The following PDZD8 variants were observed in gnomAD, a reference collection of about 807,000 sequenced individuals.
PDZD8 encodes the protein PDZ domain-containing protein 8.
PDZD8 carries 14 observed loss-of-function variants against 85.8 expected under a neutral mutation model. The observed-to-expected ratio is 0.16, with a 90% CI of 0.11 to 0.26. PDZD8 has a LOEUF of 0.26. Ranked by LOEUF, PDZD8 falls within the 10% of genes least tolerant of loss-of-function variation. PDZD8 has a pLI of 1.00. For missense variants in PDZD8, 1,197 were observed against 1,424.3 expected, an observed-to-expected ratio of 0.84 and a Z score of 2.57; for synonymous variants, 592 against 568.6, an observed-to-expected ratio of 1.04 and a Z score of -0.59.
intron 3 of PDZD8, among the ~76,000 whole-genome samples, chr10:117,294,299 A>C (rs1219383910): frequency 6.7e-6 from 1 of 150,126 alleles, no homozygotes; most frequent in Non-Finnish European, 1.5e-5. Flanking sequence ...GACACATATT[A>C]CCAAATAAAT....
At chr10:117,308,206 A>C (rs1843976496) in intron 3 of PDZD8, among the ~76,000 whole-genome samples, 2 of 152,102 alleles carry the variant, frequency 1.3e-5, no homozygotes, top group Admixed American at 1.3e-4. Context: ...TCCTTATAAC[A>C]GCTCTTAATA....
At chr10:117,347,924 G>C (rs766875874) in intron 1 of PDZD8, among the ~76,000 whole-genome samples, 1 of 152,132 alleles carries the variant, frequency 6.6e-6, no homozygotes, top group Non-Finnish European at 1.5e-5. Flanking sequence ...AGTACATGAG[G>C]GGTTATTTAG....
rs931139257 is a variant in PDZD8, at chr10:117,279,330, C to G, written c.*3938G>C. ...ATGTTTGGACCTGGTAATACAGATA[C>G]AAAAACTTTAATGAGGTAGCAATGA... On this transcript the variant is annotated 3_prime_UTR_variant, in exon 5 of 5. Transcript: ENST00000334464. 1 of 152,096 alleles carries G rather than the reference C, an allele frequency of 6.6e-6. No individual in the cohort carries two copies. Among genetic ancestry groups the G allele is most frequent in the South Asian group, 2.1e-4 (1 of 4,828 alleles). 9.4% of individuals were successfully genotyped at this position (152,096 alleles called of 1,614,324 possible).
At chr10:117,337,886 A>C (rs2133841394) in intron 2 of PDZD8, among the ~76,000 whole-genome samples, 1 of 152,324 alleles carries the variant, frequency 6.6e-6, no homozygotes, top group South Asian at 2.1e-4. Flanking sequence ...ATGTTATTCC[A>C]CTATATATGA....
At chr10:117,342,731 G>A (rs919751678) in intron 1 of PDZD8, among the ~76,000 whole-genome samples, 22 of 152,184 alleles carry the variant, frequency 1.4e-4, no homozygotes, top group African/African-American at 5.3e-4. Context: ...GCCTGCCTCG[G>A]CCTCCCACAT....
intron 3 of PDZD8, 94 bp from the exon 4 acceptor site, chr10:117,290,442 C>T (rs1844738400): frequency 1.1e-6 from 1 of 901,362 alleles, no homozygotes; most frequent in South Asian, 2.3e-5. Flanking sequence ...CAGAGAGCAC[C>T]ATGGCTGATG....
At chr10:117,313,102 A>C (rs1247623704) in intron 3 of PDZD8, among the ~76,000 whole-genome samples, 1 of 152,168 alleles carries the variant, frequency 6.6e-6, no homozygotes, top group Admixed American at 6.5e-5. Flanking sequence ...TCTACTTCTT[A>C]ACCTGGCACT....
rs1845167940 is a variant in PDZD8, at chr10:117,370,371, G to A, written c.872+3985C>T. 2.0e-5 allele frequency among the ~76,000 whole-genome samples: 3 copies of A among 152,160 alleles called. No individual in the cohort carries two copies. The South Asian group carries it at 6.2e-4, about 32-fold the overall frequency. ...ACATCAGGAACTGGCAGTCCAGAGAGGCTGATTCACTTTAGCAACACGAAA... is the reference window on the plus strand; with the variant it reads ...ACATCAGGAACTGGCAGTCCAGAGAAGCTGATTCACTTTAGCAACACGAAA... On this transcript the variant is annotated intron_variant, in intron 1 of 4. Transcript: ENST00000334464.
At chr10:117,316,287 T>C (rs1844128103) in intron 3 of PDZD8, among the ~76,000 whole-genome samples, 2 of 152,208 alleles carry the variant, frequency 1.3e-5, no homozygotes, top group Non-Finnish European at 1.5e-5. Context: ...TCTAATAAGG[T>C]ATTTCTAAAA....
intron 1 of PDZD8, among the ~76,000 whole-genome samples, chr10:117,367,018 C>T (rs1845102146): frequency 6.6e-6 from 1 of 152,212 alleles, no homozygotes; most frequent in African/African-American, 2.4e-5. Context: ...AGGCATGCTC[C>T]TTCAACACAA....
intron 3 of PDZD8, among the ~76,000 whole-genome samples, chr10:117,297,546 A>G (rs1843777419): frequency 6.6e-6 from 1 of 152,186 alleles, no homozygotes; most frequent in Admixed American, 6.6e-5. Flanking sequence ...CTGACTTATG[A>G]GGGTTAGACT....
intron 2 of PDZD8, among the ~76,000 whole-genome samples, chr10:117,337,641 CA>C (rs1221825477): frequency 6.6e-6 from 1 of 151,914 alleles, no homozygotes; most frequent in African/African-American, 2.4e-5. Context: ...CAAGAAAAAA[CA>C]TGCCGTTTTT....
At chr10:117,339,111 G>A (rs1055013099) in intron 2 of PDZD8, among the ~76,000 whole-genome samples, 1 of 127,698 alleles carries the variant, frequency 7.8e-6, no homozygotes, top group Non-Finnish European at 1.6e-5. Flanking sequence ...ACAATCCTGA[G>A]TCACCCTGGA....
intron 2 of PDZD8, among the ~76,000 whole-genome samples, chr10:117,322,876 T>G (rs1844249809): frequency 6.6e-6 from 1 of 152,112 alleles, no homozygotes; most frequent in African/African-American, 2.4e-5. Flanking sequence ...ATCCATGCAA[T>G]GAAGTATACT....
Position 117,279,262 on chromosome 10 carries a change from T to C in PDZD8, c.*4006A>G, listed in dbSNP as rs1844545029. 6.6e-6 allele frequency: 1 copy of C among 152,192 alleles called. No homozygotes were observed. The highest frequency in any genetic ancestry group is 2.1e-4 in the South Asian group (1 of 4,832). The allele number at this position is 152,192 out of a possible 1,614,324, so 9.4% of individuals were successfully genotyped here. A position where few individuals can be genotyped will look rare whatever the true frequency, so the allele number is the denominator to read the frequency against. On this transcript the variant is annotated 3_prime_UTR_variant, in exon 5 of 5. Coordinates refer to ENST00000334464, the MANE Select transcript of PDZD8 (RefSeq NM_173791.5). ...AATGTACATACCAGAACAAAGAACA[T>C]ACAGCTCTCTGAACATTTATTTTTT...
At position 117,375,037 on chromosome 10, in the gene PDZD8, C is replaced by T; in HGVS notation, c.191G>A (p.Gly64Asp). The T allele has an allele frequency of 6.3e-7, 1 of 1,592,120 alleles. No homozygotes were observed. Among genetic ancestry groups the T allele is most frequent in the Non-Finnish European group, 8.5e-7 (1 of 1,170,456 alleles). The stretch of plus-strand genomic sequence containing the variant: ...CGCTCCGGAGGGCTCCTCATCCCGG[C>T]CGCCGCCATAAAGGTACTCCCTTAG... ...LLLREYLYGG[G>D]RDEEPSGAAP... Residue 64 changes from glycine (G) to aspartate (D), a missense_variant, in exon 1 of 5, where the codon GGC becomes GAC. Gly to Asp is a moderately conservative substitution (Grantham distance 94). This residue lies in a region of PDZD8 where 172 missense variants were observed against 137.8 expected (regional missense o/e 1.25). Transcript: ENST00000334464.
chr10:117,351,290 T>A (rs1844801733), intron 1 of PDZD8, among the ~76,000 whole-genome samples: 1 of 152,140 alleles, frequency 6.6e-6, no homozygotes, highest in Admixed American at 6.6e-5. Context: ...ATTCACACAG[T>A]GGAATACTCC....
At chr10:117,364,185 TGTGTGTGTGTGTGTGTGTGTGTGAGA>T (rs2133884098) in intron 1 of PDZD8, among the ~76,000 whole-genome samples, 1 of 89,384 alleles carries the variant, frequency 1.1e-5, no homozygotes, top group African/African-American at 5.9e-5. Flanking sequence ...TTTATGGGTG[TGTGTGTGTGTGTGTGTGTGTGTGAGA>T]GTGTGTGTGT....
intron 1 of PDZD8, among the ~76,000 whole-genome samples, chr10:117,342,413 CACACACACACACACAT>C (rs1377583709): frequency 4.0e-5 from 6 of 150,308 alleles, no homozygotes; most frequent in Non-Finnish European, 5.9e-5. Context: ...CACACACACA[CACACACACACACACAT>C]AGTCAAAAGT....
Sources: gnomAD v4.1 joint callset for allele counts (sites outside exome capture counted in the v4.1 genomes callset) on GRCh38, gnomAD v4.1.1 for gene constraint, gnomAD v4.1.1 regional missense constraint, MANE v1.5 for transcripts, NCBI Gene and HGNC (gene_info 2026-07-23, HGNC 2026-07-21) for gene names.